RBMS3: variants seen among roughly 807,000 people sequenced by gnomAD.
The protein encoded by RBMS3 is RNA binding motif single stranded interacting protein 3.
Under a neutral mutation model 66.8 loss-of-function variants are expected in RBMS3, and 27 were observed. The observed-to-expected ratio is 0.40, with a 90% CI of 0.30 to 0.56. RBMS3 has a LOEUF of 0.56. RBMS3 is among the 20% of genes least tolerant of loss of function. The pLI is 0.40. For synonymous variants in RBMS3, 188 were observed against 183.0 expected (o/e 1.03, Z -0.22); for missense variants, 513 against 549.5 (o/e 0.93, Z 0.66).
intron 6 of RBMS3, among the ~76,000 whole-genome samples, chr3:29,765,432 T>C (rs1042403709): frequency 2.6e-5 from 4 of 152,004 alleles, no homozygotes; most frequent in African/African-American, 9.7e-5. Context: ...TTTTCATTAC[T>C]TTAGAGAGTG....
intron 6 of RBMS3, among the ~76,000 whole-genome samples, chr3:29,845,507 T>C (rs545663797): frequency 1.1e-3 from 170 of 152,348 alleles, no homozygotes; most frequent in Non-Finnish European, 2.0e-3. Context: ...ATTATAACAG[T>C]GTTGAGATTT....
intron 4 of RBMS3, among the ~76,000 whole-genome samples, chr3:29,679,396 C>T (rs1362341788): frequency 6.6e-6 from 1 of 151,980 alleles, no homozygotes; most frequent in African/African-American, 2.4e-5. Flanking sequence ...TTTTGCCATA[C>T]AATAGATTGC....
intron 1 of RBMS3, among the ~76,000 whole-genome samples, chr3:29,354,065 C>T (rs2037077931): frequency 6.6e-6 from 1 of 151,932 alleles, no homozygotes; most frequent in South Asian, 2.1e-4. Context: ...GTTGGTTTTG[C>T]TTTCATTTCT....
chr3:29,996,566 ATCTC>A (rs1699257489), intron 14 of RBMS3, among the ~76,000 whole-genome samples: 1 of 148,972 alleles, frequency 6.7e-6, no homozygotes, highest in Non-Finnish European at 1.5e-5. Context: ...ATAACAAACT[ATCTC>A]TCAGACCACA....
chr3:29,928,501 G>T (rs545623492), intron 10 of RBMS3, among the ~76,000 whole-genome samples: 13 of 151,724 alleles, frequency 8.6e-5, no homozygotes, highest in African/African-American at 3.1e-4. Flanking sequence ...AAATTTTGGA[G>T]TGTGCAATAC....
chr3:29,769,400 A>G (rs1215974025), intron 6 of RBMS3, among the ~76,000 whole-genome samples: 1 of 151,968 alleles, frequency 6.6e-6, no homozygotes, highest in Non-Finnish European at 1.5e-5. Flanking sequence ...AGAGGTGGAC[A>G]TCAAATATGA....
chr3:29,446,352 C>T (rs1429004279), intron 2 of RBMS3, among the ~76,000 whole-genome samples: 1 of 152,000 alleles, frequency 6.6e-6, no homozygotes. Context: ...TAAAATTCAC[C>T]TGTAATTTTA....
At chr3:29,337,251 T>C (rs1057268694) in intron 1 of RBMS3, among the ~76,000 whole-genome samples, 1 of 152,100 alleles carries the variant, frequency 6.6e-6, no homozygotes, top group Non-Finnish European at 1.5e-5. Context: ...TACAAAATGT[T>C]AAAAAATTAT....
chr3:29,681,931 T>C (rs1272745351), intron 4 of RBMS3, among the ~76,000 whole-genome samples: 1 of 152,216 alleles, frequency 6.6e-6, no homozygotes, highest in African/African-American at 2.4e-5. Flanking sequence ...ACCACCATAC[T>C]GTCTTCCACA....
At chr3:30,002,820 T>A (rs1445290498) in intron 14 of RBMS3, among the ~76,000 whole-genome samples, 2 of 151,876 alleles carry the variant, frequency 1.3e-5, no homozygotes, top group East Asian at 3.9e-4. Flanking sequence ...CAATACACAG[T>A]TTAAAACACT....
At chr3:29,683,613 C>A (rs1231075135) in intron 4 of RBMS3, among the ~76,000 whole-genome samples, 1 of 152,154 alleles carries the variant, frequency 6.6e-6, no homozygotes, top group Admixed American at 6.5e-5. Context: ...CACAAACACA[C>A]CACCTCCTTG....
intron 10 of RBMS3, among the ~76,000 whole-genome samples, chr3:29,914,473 A>G (rs555156497): frequency 1.3e-5 from 2 of 152,006 alleles, no homozygotes; most frequent in East Asian, 3.9e-4. Flanking sequence ...CACTTTTCAT[A>G]GTAATTACCA....
chr3:29,551,566 T>C (rs2046180617), intron 3 of RBMS3, among the ~76,000 whole-genome samples: 1 of 152,164 alleles, frequency 6.6e-6, no homozygotes, highest in Non-Finnish European at 1.5e-5. Context: ...GTATGTAAGG[T>C]CTTACTTGCA....
At chr3:29,995,862 A>C (rs1349204332) in intron 14 of RBMS3, among the ~76,000 whole-genome samples, 1 of 152,160 alleles carries the variant, frequency 6.6e-6, no homozygotes, top group Non-Finnish European at 1.5e-5. Flanking sequence ...GCATCAACTA[A>C]TGAGCAAAAT....
chr3:29,282,685 A>T (rs748868505), intron 1 of RBMS3, among the ~76,000 whole-genome samples: 7 of 152,068 alleles, frequency 4.6e-5, no homozygotes, highest in Non-Finnish European at 1.0e-4. Context: ...TGTACGGGTG[A>T]TATTATTTTG....
intron 3 of RBMS3, among the ~76,000 whole-genome samples, chr3:29,550,765 CA>C (rs2046155932): frequency 6.6e-6 from 1 of 152,104 alleles, no homozygotes; most frequent in African/African-American, 2.4e-5. Flanking sequence ...GTGAACCCTG[CA>C]TATTTTGGCA....
chr3:29,485,352 G>A (rs77458882), intron 2 of RBMS3, among the ~76,000 whole-genome samples: 7,585 of 151,940 alleles, frequency 0.05, 453 homozygotes, highest in African/African-American at 0.15. Context: ...AATAGTTACT[G>A]TAGACTAGCT....
At chr3:29,623,799 T>C (rs2149161423) in intron 4 of RBMS3, among the ~76,000 whole-genome samples, 1 of 152,286 alleles carries the variant, frequency 6.6e-6, no homozygotes, top group African/African-American at 2.4e-5. Context: ...GCTCCCTTCA[T>C]TATAGATATC....
At chr3:29,655,456 C>T (rs751008500) in intron 4 of RBMS3, among the ~76,000 whole-genome samples, 3 of 152,150 alleles carry the variant, frequency 2.0e-5, no homozygotes, top group Non-Finnish European at 4.4e-5. Flanking sequence ...ACATATGTGA[C>T]GGTGGTCTCA....
Sources: allele counts gnomAD v4.1 joint callset (sites outside exome capture counted in the v4.1 genomes callset), GRCh38; gene constraint gnomAD v4.1.1; transcripts MANE v1.5; gene names NCBI Gene and HGNC (gene_info 2026-07-23, HGNC 2026-07-21).